Variants in PYGB observed in about 807,000 individuals in gnomAD.
PYGB encodes the protein glycogen phosphorylase B, also known as glycogen phosphorylase, brain form.
In PYGB, 82 loss-of-function variants were observed where a neutral mutation model predicts 94.3. The observed-to-expected ratio is 0.87, with a 90% confidence interval of 0.73 to 1.04. The LOEUF (loss-of-function observed/expected upper bound fraction) is 1.04, where lower values mean the gene tolerates loss of function less well. Ranked by LOEUF, PYGB falls within the 50% of genes least tolerant of loss-of-function variation. PYGB has a pLI of 0.00. For missense variants in PYGB, 1,132 were observed against 1,158.2 expected, an observed-to-expected ratio of 0.98 and a Z score of 0.33; for synonymous variants, 488 against 479.1, an observed-to-expected ratio of 1.02 and a Z score of -0.24.
chr20:25,278,168 G>A, intron 7 of PYGB, 151 bp from the exon 8 acceptor site: 1 of 900,854 alleles, frequency 1.1e-6, no homozygotes, highest in Non-Finnish European at 1.6e-6. Context: ...TCAGTGACCT[G>A]AGGGCACACA....
chr20:25,272,959 C>G (rs924185564), intron 4 of PYGB, among the ~76,000 whole-genome samples: 2 of 152,204 alleles, frequency 1.3e-5, no homozygotes, highest in African/African-American at 4.8e-5. Context: ...TTCTGGTGGT[C>G]CTCGTTCCTG....
chr20:25,262,284 G>A (rs927775727), intron 2 of PYGB, among the ~76,000 whole-genome samples: 5 of 152,224 alleles, frequency 3.3e-5, no homozygotes, highest in Non-Finnish European at 4.4e-5. Flanking sequence ...GGATCTCTTC[G>A]CAGAAACTGC....
rs1474945316 is a variant in PYGB, at chr20:25,297,840, G to A, written c.*1318G>A. On this transcript the variant is annotated 3_prime_UTR_variant, in exon 20 of 20. Transcript: ENST00000216962. ...CAGCCTTTTATTGAGTGGGGCAAGT[G>A]CTGGGCTGTGGTCGTGCCCTGACAG... is the stretch of plus-strand genomic sequence containing the variant. 1 of 146,612 alleles carries A rather than the reference G, an allele frequency of 6.8e-6. No homozygotes were observed. Among genetic ancestry groups the A allele is most frequent in the Non-Finnish European group, 1.5e-5 (1 of 65,916 alleles). 9.1% of individuals were successfully genotyped at this position (146,612 alleles called of 1,614,324 possible).
intron 1 of PYGB, among the ~76,000 whole-genome samples, chr20:25,253,619 T>C (rs903340025): frequency 1.7e-4 from 18 of 103,414 alleles, no homozygotes; most frequent in African/African-American, 6.6e-4. Context: ...TGGGCAACTC[T>C]GCCTAAATAA....
At chr20:25,293,719 G>A (rs1269993138) in intron 17 of PYGB, among the ~76,000 whole-genome samples, 3 of 152,180 alleles carry the variant, frequency 2.0e-5, no homozygotes, top group African/African-American at 7.2e-5. Flanking sequence ...GTCCTGTCTG[G>A]TCTTGCTTGC....
At chr20:25,265,836 C>T (rs1214357746) in intron 2 of PYGB, among the ~76,000 whole-genome samples, 1 of 144,014 alleles carries the variant, frequency 6.9e-6, no homozygotes, top group Non-Finnish European at 1.6e-5. Flanking sequence ...ACCTTGTGAT[C>T]CACCCGCCTT....
At chr20:25,288,537 G>T in intron 15 of PYGB, 54 bp downstream of exon 15, 1 of 1,583,766 alleles carries the variant, frequency 6.3e-7, no homozygotes, top group South Asian at 1.1e-5. Flanking sequence ...GGGATAGTGG[G>T]TGGGCAGCCT....
chr20:25,252,295 G>T (rs953163654), intron 1 of PYGB, among the ~76,000 whole-genome samples: 4 of 152,236 alleles, frequency 2.6e-5, no homozygotes, highest in African/African-American at 9.6e-5. Flanking sequence ...GCCCTTGCAG[G>T]CTGTGGTGGC....
chr20:25,296,254 G>C, intron 19 of PYGB, 116 bp from the exon 20 acceptor site: 1 of 1,298,892 alleles, frequency 7.7e-7, no homozygotes, highest in Admixed American at 1.9e-5. Context: ...TCTTCCAGCG[G>C]ATGGCCCCAA....
chr20:25,271,423 A>G lies in PYGB; in HGVS notation c.465A>G (p.Ala155=), dbSNP rs761314236. 1.2e-6 allele frequency: 2 copies of G among 1,614,190 alleles called. No homozygotes were observed. The highest frequency in any genetic ancestry group is 4.5e-5 in the East Asian group (2 of 44,890). The change falls in exon 4 of 20, where the codon GCA becomes GCG. Residue 155 remains alanine, a synonymous_variant. Transcript: ENST00000216962. Reference sequence around the variant, plus strand: ...CAATGGCTACCTTGGGCCTGGCAGCATACGGCTATGGAATCCGCTATGAAT... The same window carrying G: ...CAATGGCTACCTTGGGCCTGGCAGCGTACGGCTATGGAATCCGCTATGAAT... ...LDSMATLGLA[A]YGYGIRYEFG...
At chr20:25,270,527 A>G (rs568841819) in intron 3 of PYGB, among the ~76,000 whole-genome samples, 10 of 151,720 alleles carry the variant, frequency 6.6e-5, no homozygotes, top group African/African-American at 1.7e-4. Context: ...ATAAGGTTGC[A>G]TCTCACTGTG....
Position 25,254,230 on chromosome 20 carries a change from C to A in PYGB, c.244-5007C>A, listed in dbSNP as rs372268454. Among the ~76,000 whole-genome samples, 37 of 152,304 alleles carry A rather than the reference C, an allele frequency of 2.4e-4. No individual in the cohort carries two copies. The East Asian group carries it at 6.2e-3, about 25-fold the overall frequency. On this transcript the variant is annotated intron_variant, in intron 1 of 19. Transcript: ENST00000216962. ...CAACACAGTGCTGTTGTCTGCAAATCTTTTCAGTGTCACCAGCTGTCCTGC... is the reference window on the plus strand; with the variant it reads ...CAACACAGTGCTGTTGTCTGCAAATATTTTCAGTGTCACCAGCTGTCCTGC...
chr20:25,288,094 G>A, intron 14 of PYGB: 1 of 442,800 alleles, frequency 2.3e-6, no homozygotes, highest in Non-Finnish European at 4.2e-6. Flanking sequence ...AAACTGAGGT[G>A]CAGCTTTTCC....
Position 25,269,891 on chromosome 20 carries a change from A to T in PYGB, c.424+684A>T, listed in dbSNP as rs1600727886. 3.3e-5 allele frequency among the ~76,000 whole-genome samples: 5 copies of T among 151,616 alleles called. 1 individual carries two copies. Among genetic ancestry groups the T allele is most frequent in the Admixed American group, 3.3e-4 (5 of 15,244 alleles). ...TCCAGGTCCTTGGGCTTTCCCAGTC[A>T]CCTTGCCTGCCCCTTGCCTTCTCCC... On this transcript the variant is annotated intron_variant, in intron 3 of 19. Transcript: ENST00000216962.
At chr20:25,292,068 G>A (rs189739896) in intron 16 of PYGB, among the ~76,000 whole-genome samples, 2 of 152,332 alleles carry the variant, frequency 1.3e-5, no homozygotes, top group South Asian at 2.1e-4. Flanking sequence ...TCCAGGGAAC[G>A]ACATTGTCAG....
intron 1 of PYGB, among the ~76,000 whole-genome samples, chr20:25,251,513 T>C (rs948361271): frequency 5.9e-5 from 9 of 152,224 alleles, no homozygotes; most frequent in African/African-American, 1.9e-4. Flanking sequence ...TTGAGGATGC[T>C]TATGCTAGAT....
At position 25,293,752 on chromosome 20, in the gene PYGB, G is replaced by T. The variant is rs912126051; in HGVS notation, c.2178-406G>T. 8.0e-5 allele frequency: 22 copies of T among 273,736 alleles called. 1 individual carries two copies. The highest frequency in any genetic ancestry group is 1.4e-4 in the South Asian group (4 of 28,646). The allele number at this position is 273,736 out of a possible 1,614,324, so 17.0% of individuals were successfully genotyped here. A position where few individuals can be genotyped will look rare whatever the true frequency, so the allele number is the denominator to read the frequency against. On this transcript the variant is annotated intron_variant, in intron 17 of 19. Coordinates refer to ENST00000216962, the MANE Select transcript of PYGB (RefSeq NM_002862.4). The stretch of plus-strand genomic sequence containing the variant: ...TGCGTTTTTCCTTTTCCATCTTCGA[G>T]GTCCCAGCCAAGGTGCTCCATTTCA...
rs763724703 is a variant in PYGB, at chr20:25,279,125, C to A, written c.1068C>A (p.Asp356Glu). 1 of 1,613,896 alleles carries A rather than the reference C, an allele frequency of 6.2e-7. No homozygotes were observed. The highest frequency in any genetic ancestry group is 1.3e-5 in the African/African-American group (1 of 75,026). ...CTGAGCTCATGCGGATCCTGGTGGA[C>A]GTGGAGAAGGTGGACTGGGACAAGG... is the stretch of plus-strand genomic sequence containing the variant. ...SIPELMRILVDVEKVDWDKAW... is the reference protein window; with the variant it reads ...SIPELMRILVEVEKVDWDKAW... Residue 356 changes from aspartate (D) to glutamate (E), a missense_variant, in exon 9 of 20, where the codon GAC becomes GAA. Transcript: ENST00000216962.
At chr20:25,254,902 C>T (rs2092898910) in intron 1 of PYGB, among the ~76,000 whole-genome samples, 1 of 152,182 alleles carries the variant, frequency 6.6e-6, no homozygotes, top group Admixed American at 6.5e-5. Context: ...CAAGTGATCT[C>T]TTAAGATCCC....
Sources: allele counts gnomAD v4.1 joint callset (sites outside exome capture counted in the v4.1 genomes callset), GRCh38; gene constraint gnomAD v4.1.1; transcripts MANE v1.5; gene names NCBI Gene and HGNC (gene_info 2026-07-23, HGNC 2026-07-21).